The following CPQ variants were observed in gnomAD, a reference collection of about 807,000 sequenced individuals.
CPQ encodes the protein Ser-Met dipeptidase.
In CPQ, 37 loss-of-function variants were observed where a neutral mutation model predicts 45.7. The ratio of observed to expected loss-of-function variants is 0.81; its 90% CI spans 0.62 to 1.07. The LOEUF (loss-of-function observed/expected upper bound fraction) is 1.07, where lower values mean the gene tolerates loss of function less well. Among genes scored for constraint, CPQ ranks in the 50% least tolerant of loss-of-function variants. The pLI is 0.00. For synonymous variants in CPQ, 186 were observed against 205.8 expected (o/e 0.90, Z 0.82); for missense variants, 537 against 572.9 (o/e 0.94, Z 0.64).
chr8:96,687,461 G>A (rs958160355), intron 1 of CPQ, among the ~76,000 whole-genome samples: 6 of 151,954 alleles, frequency 3.9e-5, no homozygotes, highest in Non-Finnish European at 7.4e-5. Context: ...TGCCTGCCTC[G>A]GCCTCCCAAA....
intron 5 of CPQ, among the ~76,000 whole-genome samples, chr8:97,021,336 C>G (rs1165558413): frequency 6.6e-6 from 1 of 152,124 alleles, no homozygotes; most frequent in East Asian, 1.9e-4. Flanking sequence ...CCACTCTCAC[C>G]ACTCCTCTTC....
At chr8:96,671,416 A>G (rs1011754692) in intron 1 of CPQ, among the ~76,000 whole-genome samples, 8 of 152,210 alleles carry the variant, frequency 5.3e-5, no homozygotes, top group Non-Finnish European at 1.5e-5. Flanking sequence ...TGTAAAAGCT[A>G]TAGTGTAAAG....
intron 5 of CPQ, among the ~76,000 whole-genome samples, chr8:96,978,582 G>T (rs1412968460): frequency 6.6e-6 from 1 of 152,204 alleles, no homozygotes; most frequent in Non-Finnish European, 1.5e-5. Context: ...AAGGGTGGCA[G>T]ATGAATGCTA....
At chr8:96,730,280 A>G (rs990598646) in intron 1 of CPQ, among the ~76,000 whole-genome samples, 1 of 152,180 alleles carries the variant, frequency 6.6e-6, no homozygotes, top group Non-Finnish European at 1.5e-5. Context: ...ACAAGATAAA[A>G]CCAAGAGGCA....
chr8:97,008,250 T>C (rs1179998891), intron 5 of CPQ, among the ~76,000 whole-genome samples: 2 of 152,268 alleles, frequency 1.3e-5, no homozygotes, highest in Non-Finnish European at 1.5e-5. Flanking sequence ...TACACAGAAA[T>C]AGATTTAAGC....
intron 7 of CPQ, among the ~76,000 whole-genome samples, chr8:97,116,495 G>A (rs748492585): frequency 6.6e-6 from 1 of 152,216 alleles, no homozygotes; most frequent in African/African-American, 2.4e-5. Context: ...TTTCTGTAGG[G>A]AAAGTCTGAA....
At chr8:97,137,854 A>C (rs1013764074) in intron 7 of CPQ, among the ~76,000 whole-genome samples, 1 of 151,502 alleles carries the variant, frequency 6.6e-6, no homozygotes, top group Non-Finnish European at 1.5e-5. Context: ...ACGCCACTGC[A>C]CTCCAGCCTG....
At chr8:96,918,574 T>C (rs1483113416) in intron 4 of CPQ, among the ~76,000 whole-genome samples, 1 of 152,094 alleles carries the variant, frequency 6.6e-6, no homozygotes, top group Non-Finnish European at 1.5e-5. Context: ...GGCTGCTTCA[T>C]TGAGTGTATT....
chr8:96,660,532 AAT>A (rs1205601475), intron 1 of CPQ, among the ~76,000 whole-genome samples: 5 of 152,200 alleles, frequency 3.3e-5, no homozygotes, highest in African/African-American at 1.2e-4. Flanking sequence ...ATGAATGTAT[AAT>A]GGATCACCTA....
rs1484366676 is a variant in CPQ, at chr8:97,042,500, A to G, written c.1053+13006A>G. Among the ~76,000 whole-genome samples, 13 of 151,852 alleles carry G rather than the reference A, an allele frequency of 8.6e-5. No homozygotes were observed. The East Asian group carries it at 2.3e-3, about 27-fold the overall frequency. ...CTCTATTTCCTTCAGTTCTCCTCCG[A>G]TTTTAGTTATTTCTTGCCTTCTGCT... On this transcript the variant is annotated intron_variant, in intron 6 of 7. Transcript: ENST00000220763.
chr8:97,136,692 T>C (rs564218009), intron 7 of CPQ, among the ~76,000 whole-genome samples: 1 of 152,330 alleles, frequency 6.6e-6, no homozygotes, highest in South Asian at 2.1e-4. Context: ...CAAACCTCCC[T>C]TGGAAATAAT....
At chr8:96,724,134 T>TTC (rs144832803) in intron 1 of CPQ, among the ~76,000 whole-genome samples, 7 of 150,758 alleles carry the variant, frequency 4.6e-5, no homozygotes, top group African/African-American at 7.3e-5. Flanking sequence ...TCTGTATGCA[T>TTC]TCTCTCTCTC....
At chr8:96,907,992 A>G (rs1260121329) in intron 4 of CPQ, among the ~76,000 whole-genome samples, 4 of 152,088 alleles carry the variant, frequency 2.6e-5, no homozygotes, top group Non-Finnish European at 5.9e-5. Flanking sequence ...AGGATCATCC[A>G]GGCAGAAAAT....
At chr8:96,988,915 C>T (rs1319133028) in intron 5 of CPQ, among the ~76,000 whole-genome samples, 4 of 152,120 alleles carry the variant, frequency 2.6e-5, no homozygotes, top group Non-Finnish European at 5.9e-5. Context: ...TTATTCTCTT[C>T]GCAGGAAATA....
At chr8:97,131,472 G>T (rs188362090) in intron 7 of CPQ, among the ~76,000 whole-genome samples, 4 of 152,234 alleles carry the variant, frequency 2.6e-5, no homozygotes, top group Non-Finnish European at 4.4e-5. Context: ...TTTTTTAGTA[G>T]TAAGACTTTT....
chr8:96,741,081 T>C (rs1183336466), intron 1 of CPQ, among the ~76,000 whole-genome samples: 3 of 152,226 alleles, frequency 2.0e-5, no homozygotes, highest in African/African-American at 7.2e-5. Context: ...CTGGTAGAAT[T>C]CGGCTGTGAA....
chr8:96,694,606 G>A (rs111767343), intron 1 of CPQ, among the ~76,000 whole-genome samples: 3 of 151,970 alleles, frequency 2.0e-5, no homozygotes, highest in African/African-American at 7.2e-5. Flanking sequence ...AAAACTAGAA[G>A]TCAATAACAA....
chr8:96,984,468 C>G (rs760947318), intron 5 of CPQ, among the ~76,000 whole-genome samples: 11 of 152,076 alleles, frequency 7.2e-5, no homozygotes, highest in Non-Finnish European at 1.2e-4. Context: ...CCCATTTTTC[C>G]CTTCTGTCTT....
chr8:96,706,763 G>T (rs1204064218), intron 1 of CPQ, among the ~76,000 whole-genome samples: 1 of 152,116 alleles, frequency 6.6e-6, no homozygotes, highest in African/African-American at 2.4e-5. Context: ...AGGAGGAAAT[G>T]ACTTTGAGTT....
Sources: gnomAD v4.1 joint callset for allele counts (sites outside exome capture counted in the v4.1 genomes callset) on GRCh38, gnomAD v4.1.1 for gene constraint, MANE v1.5 for transcripts, NCBI Gene and HGNC (gene_info 2026-07-23, HGNC 2026-07-21) for gene names.